The following PTPRD variants were observed in gnomAD, a reference collection of about 807,000 sequenced individuals.
PTPRD encodes protein tyrosine phosphatase receptor type D, also known as receptor-type tyrosine-protein phosphatase delta.
PTPRD carries 34 observed loss-of-function variants against 214.5 expected under a neutral mutation model. That is an observed-to-expected ratio of 0.16 (90% CI 0.12 to 0.21). The LOEUF (loss-of-function observed/expected upper bound fraction) is 0.21. PTPRD is among the 10% of genes least tolerant of loss of function. The pLI is 1.00. For synonymous variants in PTPRD, 1,128 were observed against 845.7 expected, an observed-to-expected ratio of 1.33 and a Z score of -5.79; for missense variants, 2,545 against 2,398.7, an observed-to-expected ratio of 1.06 and a Z score of -1.27.
intron 3 of PTPRD, among the ~76,000 whole-genome samples, chr9:10,109,826 A>G (rs925577169): frequency 6.6e-6 from 1 of 152,002 alleles, no homozygotes; most frequent in Non-Finnish European, 1.5e-5. Context: ...CTGGTTATAT[A>G]TTTTTTTCAT....
intron 3 of PTPRD, among the ~76,000 whole-genome samples, chr9:10,224,829 T>C (rs759541803): frequency 6.6e-6 from 1 of 152,054 alleles, no homozygotes; most frequent in Non-Finnish European, 1.5e-5. Context: ...CCACCTCTAC[T>C]TAACAGCTAG....
At chr9:10,208,259 A>C (rs549268703) in intron 3 of PTPRD, among the ~76,000 whole-genome samples, 2 of 152,212 alleles carry the variant, frequency 1.3e-5, no homozygotes, top group Non-Finnish European at 2.9e-5. Context: ...TCAGGCCCGT[A>C]ATCCCAGCAC....
intron 7 of PTPRD, among the ~76,000 whole-genome samples, chr9:9,688,444 C>A (rs1338818399): frequency 6.6e-6 from 1 of 151,788 alleles, no homozygotes; most frequent in African/African-American, 2.4e-5. Flanking sequence ...GTATTTGGTT[C>A]CTTCCCCTCA....
At chr9:10,297,528 A>G (rs2095715844) in intron 3 of PTPRD, among the ~76,000 whole-genome samples, 1 of 151,314 alleles carries the variant, frequency 6.6e-6, no homozygotes, top group Non-Finnish European at 1.5e-5. Context: ...GGTGAGCCTG[A>G]GTAACAGTGA....
At chr9:8,645,844 A>C (rs2096675805) in intron 12 of PTPRD, among the ~76,000 whole-genome samples, 1 of 151,950 alleles carries the variant, frequency 6.6e-6, no homozygotes, top group Non-Finnish European at 1.5e-5. Context: ...TTCTCCTCTT[A>C]CTGAGTGTTC....
intron 17 of PTPRD, among the ~76,000 whole-genome samples, chr9:8,525,931 T>C (rs559360383): frequency 2.2e-4 from 34 of 151,748 alleles, no homozygotes; most frequent in African/African-American, 7.2e-4. Context: ...TTTGTTTCCA[T>C]AGCCTGAAGG....
chr9:10,262,239 CAA>C (rs1426174383), intron 3 of PTPRD, among the ~76,000 whole-genome samples: 1 of 151,818 alleles, frequency 6.6e-6, no homozygotes, highest in Non-Finnish European at 1.5e-5. Flanking sequence ...AAAGAATAAA[CAA>C]TATTTTGAAA....
chr9:9,008,908 T>C (rs563755917), intron 11 of PTPRD, among the ~76,000 whole-genome samples: 12 of 152,280 alleles, frequency 7.9e-5, no homozygotes, highest in African/African-American at 2.9e-4. Flanking sequence ...TTGCTTAAGA[T>C]AAATTTTATA....
In PTPRD at chr9:8,842,203, AT is replaced by A. The variant is rs1345306219; in HGVS notation, c.-103-108258del. ...CTGTAGGAGGTGACAGAAATTTATA[AT>A]GTGAAAGAAAAAGAGAAAGGCATTT... On this transcript the variant is annotated intron_variant, in intron 11 of 45. Coordinates refer to ENST00000381196, the MANE Select transcript of PTPRD (RefSeq NM_002839.4). 3.1e-3 allele frequency among the ~76,000 whole-genome samples: 466 copies of A among 152,280 alleles called. 12 individuals carry two copies. The East Asian group carries it at 0.073, about 24-fold the overall frequency.
intron 7 of PTPRD, among the ~76,000 whole-genome samples, chr9:9,653,573 G>A (rs1214864590): frequency 6.6e-6 from 1 of 152,036 alleles, no homozygotes; most frequent in African/African-American, 2.4e-5. Context: ...AATGAACTTT[G>A]TAATAGGCTG....
chr9:8,474,567 G>C (rs1429480911), intron 30 of PTPRD, among the ~76,000 whole-genome samples: 1 of 152,148 alleles, frequency 6.6e-6, no homozygotes, highest in Admixed American at 6.5e-5. Flanking sequence ...AGCAACCCCA[G>C]TTAGGCCTTC....
chr9:8,924,240 A>C (rs1770746202), intron 11 of PTPRD, among the ~76,000 whole-genome samples: 1 of 152,166 alleles, frequency 6.6e-6, no homozygotes, highest in Non-Finnish European at 1.5e-5. Flanking sequence ...TCAACCCAAA[A>C]TTTTTAATTC....
intron 7 of PTPRD, among the ~76,000 whole-genome samples, chr9:9,651,834 T>C (rs1038951264): frequency 3.1e-5 from 4 of 129,716 alleles, no homozygotes; most frequent in Non-Finnish European, 6.6e-5. Context: ...TTGTTTTTTT[T>C]TTTTTTTTTT....
chr9:9,673,810 A>G (rs1248511727), intron 7 of PTPRD, among the ~76,000 whole-genome samples: 1 of 151,722 alleles, frequency 6.6e-6, no homozygotes, highest in Non-Finnish European at 1.5e-5. Flanking sequence ...CAGATTACAT[A>G]TAAGGAAAAA....
intron 7 of PTPRD, among the ~76,000 whole-genome samples, chr9:9,729,777 A>T (rs1482094154): frequency 6.6e-5 from 10 of 152,236 alleles, no homozygotes; most frequent in Admixed American, 6.6e-4. Flanking sequence ...GAGAGAACGA[A>T]CATATTAGTA....
chr9:9,088,169 A>T (rs978451599), intron 10 of PTPRD, among the ~76,000 whole-genome samples: 2 of 150,600 alleles, frequency 1.3e-5, no homozygotes, highest in African/African-American at 4.9e-5. Flanking sequence ...GGCGTGAGCC[A>T]CTGCACCCGG....
intron 3 of PTPRD, among the ~76,000 whole-genome samples, chr9:10,168,746 T>C (rs1249814741): frequency 6.6e-6 from 1 of 152,228 alleles, no homozygotes; most frequent in Non-Finnish European, 1.5e-5. Context: ...TACTTTTTCT[T>C]TGAGTATCAG....
chr9:10,338,637 A>T (rs1318204217), intron 3 of PTPRD, among the ~76,000 whole-genome samples: 1 of 151,676 alleles, frequency 6.6e-6, no homozygotes, highest in Non-Finnish European at 1.5e-5. Context: ...GAAATGTCAA[A>T]CCTTATATAT....
intron 10 of PTPRD, among the ~76,000 whole-genome samples, chr9:9,063,342 T>C (rs1373740394): frequency 4.6e-5 from 7 of 152,010 alleles, no homozygotes; most frequent in Non-Finnish European, 7.4e-5. Context: ...TGAAAGTAAA[T>C]AGCAGAATGA....
Sources: gnomAD v4.1 joint callset for allele counts (sites outside exome capture counted in the v4.1 genomes callset) on GRCh38, gnomAD v4.1.1 for gene constraint, MANE v1.5 for transcripts, NCBI Gene and HGNC (gene_info 2026-07-23, HGNC 2026-07-21) for gene names.